The following PKNOX2 variants were observed in gnomAD, a reference collection of about 807,000 sequenced individuals.
The protein encoded by PKNOX2 is homeobox protein PKNOX2.
PKNOX2 carries 14 observed loss-of-function variants against 53.1 expected under a neutral mutation model. The observed-to-expected ratio is 0.26, with a 90% CI of 0.17 to 0.41. The LOEUF (loss-of-function observed/expected upper bound fraction) is 0.41. Ranked by LOEUF, PKNOX2 falls within the 10% of genes least tolerant of loss-of-function variation. The probability of loss-of-function intolerance (pLI) is 1.00; values close to 1 mark genes in which losing one functional copy is unlikely to be tolerated. For synonymous variants in PKNOX2, 257 were observed against 242.8 expected (o/e 1.06, Z -0.54); for missense variants, 496 against 602.8 (o/e 0.82, Z 1.85).
chr11:125,182,949 G>T (rs1956234651), intron 1 of PKNOX2, among the ~76,000 whole-genome samples: 1 of 152,164 alleles, frequency 6.6e-6, no homozygotes, highest in African/African-American at 2.4e-5. Context: ...AAAATAGGAA[G>T]GCTCATTACT....
chr11:125,410,408 G>T, intron 8 of PKNOX2, 83 bp downstream of exon 8: 1 of 1,573,912 alleles, frequency 6.4e-7, no homozygotes, highest in Non-Finnish European at 8.6e-7. Flanking sequence ...CAGGGGTGGG[G>T]GTTGTCCTCC....
At chr11:125,385,512 CTGTG>C (rs775555218) in intron 5 of PKNOX2, 35 bp from the exon 6 acceptor site, 21 of 1,565,076 alleles carry the variant, frequency 1.3e-5, no homozygotes, top group Non-Finnish European at 1.7e-5. Flanking sequence ...AGCACGGTCT[CTGTG>C]TGTGCGCATG....
At chr11:125,304,082 C>T (rs1297824612) in intron 2 of PKNOX2, among the ~76,000 whole-genome samples, 2 of 146,212 alleles carry the variant, frequency 1.4e-5, no homozygotes, top group Admixed American at 6.6e-5. Context: ...CCTCTGATAC[C>T]CGCAGGGAGC....
Position 125,419,161 on chromosome 11 carries a change from C to T in PKNOX2, c.936+7296C>T, listed in dbSNP as rs933304839. ...GGCAGGACCTGGGTTGAGTTTTCACCACCCCCTCTACCTAGCTTGGCGAGC... is the reference window on the plus strand; with the variant it reads ...GGCAGGACCTGGGTTGAGTTTTCACTACCCCCTCTACCTAGCTTGGCGAGC... On this transcript the variant is annotated intron_variant, in intron 10 of 12. Coordinates refer to ENST00000298282, the MANE Select transcript of PKNOX2 (RefSeq NM_001382323.2). 2.8e-4 allele frequency among the ~76,000 whole-genome samples: 42 copies of T among 151,912 alleles called. 2 individuals are homozygous for T. The highest frequency in any genetic ancestry group is 1.0e-3 in the African/African-American group (41 of 41,206).
At chr11:125,275,383 A>C (rs1488853679) in intron 2 of PKNOX2, among the ~76,000 whole-genome samples, 1 of 152,124 alleles carries the variant, frequency 6.6e-6, no homozygotes, top group African/African-American at 2.4e-5. Context: ...GGATGAAGAG[A>C]AAGGAGGTCA....
At chr11:125,251,872 T>C (rs180725575) in intron 2 of PKNOX2, among the ~76,000 whole-genome samples, 339 of 145,970 alleles carry the variant, frequency 2.3e-3, no homozygotes, top group Non-Finnish European at 3.3e-3. Flanking sequence ...ATCAATCAAG[T>C]TTTTTTTTTT....
chr11:125,194,138 G>A (rs1314831673), intron 1 of PKNOX2, among the ~76,000 whole-genome samples: 13 of 152,182 alleles, frequency 8.5e-5, no homozygotes. Flanking sequence ...CTTCCTCCCT[G>A]GTCTCTGCTG....
chr11:125,302,945 C>A (rs567094274), intron 2 of PKNOX2, among the ~76,000 whole-genome samples: 2 of 152,240 alleles, frequency 1.3e-5, no homozygotes, highest in Non-Finnish European at 2.9e-5. Context: ...AGTGGACCAT[C>A]TCATGGCTAG....
At chr11:125,266,055 C>A (rs1591504778) in intron 2 of PKNOX2, among the ~76,000 whole-genome samples, 1 of 152,160 alleles carries the variant, frequency 6.6e-6, no homozygotes, top group African/African-American at 2.4e-5. Context: ...GGTCACTTCA[C>A]CCCTATGCAC....
chr11:125,339,649 A>G (rs1447755345), intron 3 of PKNOX2, among the ~76,000 whole-genome samples: 3 of 152,184 alleles, frequency 2.0e-5, no homozygotes, highest in Admixed American at 6.5e-5. Flanking sequence ...AGGGCCCCTC[A>G]GTCCAGTATG....
In PKNOX2 at chr11:125,369,180, T is replaced by C. The variant is rs564880484; in HGVS notation, c.227+1195T>C. Among the ~76,000 whole-genome samples the C allele has an allele frequency of 2.0e-5, 3 of 152,332 alleles. No individual in the cohort carries two copies. The East Asian group carries it at 5.8e-4, about 29-fold the overall frequency. Reference sequence around the variant, plus strand: ...AGCCGAATGCCTCTAATACCAACAGTTGAGGGTCCAGAGCAGTGGCCTCTG... The same window carrying C: ...AGCCGAATGCCTCTAATACCAACAGCTGAGGGTCCAGAGCAGTGGCCTCTG... On this transcript the variant is annotated intron_variant, in intron 5 of 12. Coordinates refer to ENST00000298282, the MANE Select transcript of PKNOX2 (RefSeq NM_001382323.2).
chr11:125,422,117 C>A lies in PKNOX2; in HGVS notation c.937-6895C>A, dbSNP rs1176584967. 6.6e-6 allele frequency among the ~76,000 whole-genome samples: 1 copy of A among 152,090 alleles called. No individual in the cohort carries two copies. The highest frequency in any genetic ancestry group is 1.5e-5 in the Non-Finnish European group (1 of 68,008). On this transcript the variant is annotated intron_variant, in intron 10 of 12. Transcript: ENST00000298282. The surrounding 1 kb of genome is among the most constrained non-coding windows in gnomAD (Gnocchi z 4.1). ...TATCTCTTAGATAATCATCAATGCC[C>A]CTATGATTCGTATTGGCCACAGGGA...
intron 6 of PKNOX2, among the ~76,000 whole-genome samples, chr11:125,396,580 TAA>T (rs34795718): frequency 0.053 from 7,315 of 138,168 alleles, 228 homozygotes; most frequent in African/African-American, 0.075. Flanking sequence ...CAGAAACTTT[TAA>T]AAAAAAAAAA....
intron 1 of PKNOX2, among the ~76,000 whole-genome samples, chr11:125,226,302 C>T (rs1188182046): frequency 6.6e-6 from 1 of 152,130 alleles, no homozygotes; most frequent in African/African-American, 2.4e-5. Flanking sequence ...TGATTTTTAA[C>T]CTCTCAGGGG....
intron 1 of PKNOX2, among the ~76,000 whole-genome samples, chr11:125,207,361 T>C (rs1224557117): frequency 4.6e-5 from 7 of 152,036 alleles, no homozygotes; most frequent in Admixed American, 4.6e-4. Flanking sequence ...TTCAAGAATA[T>C]GGCTGGAGAC....
In PKNOX2 at chr11:125,191,749, C is replaced by T. The variant is rs147976909; in HGVS notation, c.-201+26973C>T. On this transcript the variant is annotated intron_variant, in intron 1 of 12. Coordinates refer to ENST00000298282, the MANE Select transcript of PKNOX2 (RefSeq NM_001382323.2). Reference sequence around the variant, plus strand: ...TTGGAAATGCCTTCTCAGAGGTGGCCGGGACGTACTTGCTTTGGGTTGTGA... The same window carrying T: ...TTGGAAATGCCTTCTCAGAGGTGGCTGGGACGTACTTGCTTTGGGTTGTGA... Among the ~76,000 whole-genome samples the T allele has an allele frequency of 3.0e-3, 460 of 152,104 alleles. 1 individual carries two copies. The highest frequency in any genetic ancestry group is 0.01 in the African/African-American group (426 of 41,470).
intron 2 of PKNOX2, among the ~76,000 whole-genome samples, chr11:125,281,806 T>C (rs902352393): frequency 6.6e-6 from 1 of 152,200 alleles, no homozygotes; most frequent in African/African-American, 2.4e-5. Context: ...GGAGGTTTTC[T>C]TGAACTCTTA....
At chr11:125,210,880 G>T (rs57516864) in intron 1 of PKNOX2, among the ~76,000 whole-genome samples, 3,182 of 152,154 alleles carry the variant, frequency 0.021, 118 homozygotes, top group African/African-American at 0.072. Context: ...GTGTAGAAGT[G>T]GCTTCCGGAT....
intron 3 of PKNOX2, among the ~76,000 whole-genome samples, chr11:125,346,332 C>T (rs1489411044): frequency 1.3e-5 from 2 of 152,178 alleles, no homozygotes; most frequent in African/African-American, 4.8e-5. Flanking sequence ...AAAGAAGCTA[C>T]AATCCAACCC....
Sources: allele counts gnomAD v4.1 joint callset (sites outside exome capture counted in the v4.1 genomes callset), GRCh38; gene constraint gnomAD v4.1.1; non-coding constraint Gnocchi (gnomAD v3.1); transcripts MANE v1.5; gene names NCBI Gene and HGNC (gene_info 2026-07-23, HGNC 2026-07-21).